The following RAB39A variants were observed in gnomAD, a reference collection of about 807,000 sequenced individuals.
RAB39A encodes RAB39A, member RAS oncogene family, also known as ras-related protein Rab-39A.
Under a neutral mutation model 20.9 loss-of-function variants are expected in RAB39A, and 17 were observed. The observed-to-expected ratio is 0.81, with a 90% CI of 0.56 to 1.22. RAB39A has a LOEUF of 1.22. Among genes scored for constraint, RAB39A ranks in the 50% most tolerant of loss-of-function variants. The probability of loss-of-function intolerance (pLI) is 0.00; values close to 1 mark genes in which losing one functional copy is unlikely to be tolerated. For synonymous variants in RAB39A, 99 were observed against 103.4 expected (o/e 0.96, Z 0.26); for missense variants, 234 against 270.5 (o/e 0.87, Z 0.95).
At chr11:107,938,921 A>C (rs1030615491) in intron 1 of RAB39A, among the ~76,000 whole-genome samples, 3 of 152,030 alleles carry the variant, frequency 2.0e-5, no homozygotes, top group Non-Finnish European at 4.4e-5. Flanking sequence ...TATAGCCACA[A>C]CCTCAGTGTT....
intron 1 of RAB39A, among the ~76,000 whole-genome samples, chr11:107,939,222 CGGCA>C (rs1861233271): frequency 2.4e-5 from 3 of 124,260 alleles, no homozygotes; most frequent in South Asian, 2.5e-4. Context: ...CCAGCCTGGG[CGGCA>C]AAGCGAGACT....
In RAB39A at chr11:107,928,459, T is replaced by G; in HGVS notation, c.-110T>G. ...CAGGCGGCGGCCGCAGCCGCAGGAA[T>G]ATGCTGGAAGGCGGCGGGCGGGCGC... On this transcript the variant is annotated 5_prime_UTR_variant, in exon 1 of 2. Transcript: ENST00000320578. The surrounding 1 kb of genome is among the most constrained non-coding windows in gnomAD (Gnocchi z 4.9). 1.3e-6 allele frequency: 1 copy of G among 748,796 alleles called. No individual in the cohort carries two copies. Among genetic ancestry groups the G allele is most frequent in the East Asian group, 3.6e-5 (1 of 28,160 alleles). The allele number at this position is 748,796 out of a possible 1,614,324, so 46.4% of individuals were successfully genotyped here.
chr11:107,962,436 T>C lies in RAB39A; in HGVS notation c.*64T>C. On this transcript the variant is annotated 3_prime_UTR_variant, in exon 2 of 2. Transcript: ENST00000320578. ...TGTCAGTTCAGGATAAATACCAACA[T>C]TAACAGCAGAATGATGCAATGAAAG... 7.2e-7 allele frequency: 1 copy of C among 1,393,880 alleles called. No individual in the cohort carries two copies. Among genetic ancestry groups the C allele is most frequent in the Non-Finnish European group, 9.8e-7 (1 of 1,024,200 alleles). 86.3% of individuals were successfully genotyped at this position (1,393,880 alleles called of 1,614,324 possible).
intron 1 of RAB39A, among the ~76,000 whole-genome samples, chr11:107,931,117 C>T (rs890728358): frequency 2.6e-5 from 4 of 151,696 alleles, no homozygotes; most frequent in African/African-American, 9.7e-5. Flanking sequence ...GCTGGGATTA[C>T]AGGCATGCAC....
chr11:107,943,297 C>T (rs1463243500), intron 1 of RAB39A, among the ~76,000 whole-genome samples: 4 of 151,892 alleles, frequency 2.6e-5, no homozygotes, highest in Non-Finnish European at 4.4e-5. Flanking sequence ...ACAGGCTGGG[C>T]GCAGTGGCTC....
chr11:107,946,434 G>GTATA (rs1565464257), intron 1 of RAB39A, among the ~76,000 whole-genome samples: 33 of 20,874 alleles, frequency 1.6e-3, no homozygotes, highest in African/African-American at 4.2e-3. Context: ...GTGTGTGTGT[G>GTATA]TGTATATATA....
chr11:107,953,048 A>T (rs1861397385), intron 1 of RAB39A, among the ~76,000 whole-genome samples: 1 of 152,266 alleles, frequency 6.6e-6, no homozygotes, highest in East Asian at 1.9e-4. Flanking sequence ...GTTCATAGGG[A>T]TAGGATTTTA....
intron 1 of RAB39A, among the ~76,000 whole-genome samples, chr11:107,934,282 T>A (rs78624694): frequency 1.3e-5 from 2 of 151,970 alleles, no homozygotes; most frequent in Non-Finnish European, 2.9e-5. Flanking sequence ...AAAATTTTTT[T>A]AATTAGCTGG....
At chr11:107,953,483 A>G (rs1263433599) in intron 1 of RAB39A, among the ~76,000 whole-genome samples, 30 of 152,164 alleles carry the variant, frequency 2.0e-4, no homozygotes, top group Admixed American at 2.0e-3. Flanking sequence ...TGTGGTCCCC[A>G]TGATACTGTT....
intron 1 of RAB39A, among the ~76,000 whole-genome samples, chr11:107,950,753 G>C (rs113937835): frequency 6.5e-5 from 8 of 122,622 alleles, no homozygotes; most frequent in Non-Finnish European, 1.1e-4. Context: ...GCGACAGAGC[G>C]AGACCCTGTC....
chr11:107,962,354 GAA>G lies in RAB39A; in HGVS notation c.638_639del (p.Lys213ArgfsTer13), dbSNP rs1264207002. 61 of 1,602,220 alleles carry G rather than the reference GAA, an allele frequency of 3.8e-5. No homozygotes were observed. The highest frequency in any genetic ancestry group is 4.8e-5 in the Non-Finnish European group (56 of 1,171,372). On this transcript the variant is annotated frameshift_variant, in exon 2 of 2. Transcript: ENST00000320578. LOFTEE classifies it high-confidence loss of function. ...CTTCTGAGGAAGCAGTAAAGCCCAGGAAAGAATGCTTCTGCTGACTTCAAACA... is the reference window on the plus strand; with the variant it reads ...CTTCTGAGGAAGCAGTAAAGCCCAGGAGAATGCTTCTGCTGACTTCAAACA... Reference protein sequence around the residue: ...HSSEEAVKPRKECFC With the variant: ...HSSEEAVKPRXECFC
At chr11:107,946,394 ATATG>A (rs1285116674) in intron 1 of RAB39A, among the ~76,000 whole-genome samples, 848 of 38,356 alleles carry the variant, frequency 0.022, 12 homozygotes, top group African/African-American at 0.035. Flanking sequence ...GTGGGTGTAT[ATATG>A]TGTGTGTGTG....
At chr11:107,944,671 C>T (rs1304329518) in intron 1 of RAB39A, among the ~76,000 whole-genome samples, 2 of 152,042 alleles carry the variant, frequency 1.3e-5, no homozygotes, top group Non-Finnish European at 2.9e-5. Context: ...AGCCGTGAGC[C>T]ACCGCGCCAG....
chr11:107,928,942 C>T lies in RAB39A; in HGVS notation c.227+147C>T. The T allele has an allele frequency of 1.9e-6, 1 of 530,536 alleles. No individual in the cohort carries two copies. Among genetic ancestry groups the T allele is most frequent in the Non-Finnish European group, 3.2e-6 (1 of 315,152 alleles). 32.9% of individuals were successfully genotyped at this position (530,536 alleles called of 1,614,324 possible). On this transcript the variant is annotated intron_variant, in intron 1 of 1. Coordinates refer to ENST00000320578, the MANE Select transcript of RAB39A (RefSeq NM_017516.3). The surrounding 1 kb of genome is among the most constrained non-coding windows in gnomAD (Gnocchi z 4.9). Reference sequence around the variant, plus strand: ...TGCAAACACTCCATTCTCGCTTCCCCTTTGCCCCTCCTCTTCCAGGGACGA... The same window carrying T: ...TGCAAACACTCCATTCTCGCTTCCCTTTTGCCCCTCCTCTTCCAGGGACGA...
chr11:107,933,954 C>T (rs1449875000), intron 1 of RAB39A, among the ~76,000 whole-genome samples: 1 of 152,148 alleles, frequency 6.6e-6, no homozygotes, highest in African/African-American at 2.4e-5. Flanking sequence ...CCGCACCCAG[C>T]CTGTGATTCT....
chr11:107,935,243 A>G (rs1357007618), intron 1 of RAB39A, among the ~76,000 whole-genome samples: 1 of 152,194 alleles, frequency 6.6e-6, no homozygotes, highest in Non-Finnish European at 1.5e-5. Context: ...AACAGCTACT[A>G]CACAGACAGA....
rs1184264478 is a variant in RAB39A, at chr11:107,946,472, T to A, written c.228-15474T>A. Among the ~76,000 whole-genome samples the A allele has an allele frequency of 2.3e-3, 189 of 82,368 alleles. 3 individuals are homozygous for A. The highest frequency in any genetic ancestry group is 3.7e-3 in the Non-Finnish European group (154 of 41,176). 54.0% of individuals were successfully genotyped at this position (82,368 alleles called of 152,430 possible). Reference sequence around the variant, plus strand: ...TATATATATATATATTTTTTTTTTTTTTTTTTTTTTTTTTTTTTGAGACAG... The same window carrying A: ...TATATATATATATATTTTTTTTTTTATTTTTTTTTTTTTTTTTTGAGACAG... On this transcript the variant is annotated intron_variant, in intron 1 of 1. Coordinates refer to ENST00000320578, the MANE Select transcript of RAB39A (RefSeq NM_017516.3).
At chr11:107,943,092 G>A (rs187667880) in intron 1 of RAB39A, among the ~76,000 whole-genome samples, 177 of 152,292 alleles carry the variant, frequency 1.2e-3, no homozygotes, top group African/African-American at 3.9e-3. Context: ...TAACAGTAAT[G>A]AACTTTAACA....
intron 1 of RAB39A, among the ~76,000 whole-genome samples, chr11:107,940,579 C>T (rs1861248810): frequency 6.6e-6 from 1 of 152,198 alleles, no homozygotes; most frequent in African/African-American, 2.4e-5. Context: ...AGCAAAATTC[C>T]TACAAGCTTA....
Sources: gnomAD v4.1 joint callset for allele counts (sites outside exome capture counted in the v4.1 genomes callset) on GRCh38, gnomAD v4.1.1 for gene constraint, Gnocchi (gnomAD v3.1) non-coding constraint, MANE v1.5 for transcripts, NCBI Gene and HGNC (gene_info 2026-07-23, HGNC 2026-07-21) for gene names.